ANKRD28: variants seen among roughly 807,000 people sequenced by gnomAD.
ANKRD28 encodes the protein serine/threonine-protein phosphatase 6 regulatory ankyrin repeat subunit A.
Under a neutral mutation model 126.5 loss-of-function variants are expected in ANKRD28, and 44 were observed. The ratio of observed to expected loss-of-function variants is 0.35; its 90% CI spans 0.27 to 0.45. ANKRD28 has a LOEUF of 0.45. Among genes scored for constraint, ANKRD28 ranks in the 20% least tolerant of loss-of-function variants. The pLI is 1.00. For missense variants in ANKRD28, 1,110 were observed against 1,316.6 expected (o/e 0.84, Z 2.43); for synonymous variants, 442 against 468.5 (o/e 0.94, Z 0.73).
intron 18 of ANKRD28, chr3:15,689,719 C>T (rs1358053988): frequency 4.1e-6 from 1 of 242,742 alleles, no homozygotes. Context: ...TAGTCTAGGA[C>T]CTACATGTAA....
At chr3:15,805,067 T>A (rs1244191238) in intron 1 of ANKRD28, among the ~76,000 whole-genome samples, 1 of 145,358 alleles carries the variant, frequency 6.9e-6, no homozygotes, top group Non-Finnish European at 1.5e-5. Context: ...TCCAAGTAAG[T>A]GTAGATTCAA....
chr3:15,843,571 G>C lies in ANKRD28; in HGVS notation c.27+15806C>G, dbSNP rs956317333. On this transcript the variant is annotated intron_variant, in intron 1 of 27. Transcript: ENST00000399451. The surrounding 1 kb of genome is among the most constrained non-coding windows in gnomAD (Gnocchi z 5.2). ...ATAGAATTAGGAGTACAGCAGAATA[G>C]TTTGAGCCAAAAATAAGGGAAAAAA... Among the ~76,000 whole-genome samples the C allele has an allele frequency of 4.6e-5, 7 of 151,738 alleles. No homozygotes were observed. Among genetic ancestry groups the C allele is most frequent in the African/African-American group, 1.7e-4 (7 of 41,276 alleles).
chr3:15,725,229 T>C (rs955855227), intron 6 of ANKRD28, among the ~76,000 whole-genome samples: 2 of 152,250 alleles, frequency 1.3e-5, no homozygotes, highest in Non-Finnish European at 2.9e-5. Flanking sequence ...GAACAGGTTA[T>C]ACGTACATAC....
At chr3:15,743,318 T>TC (rs2057234099) in intron 4 of ANKRD28, among the ~76,000 whole-genome samples, 1 of 149,814 alleles carries the variant, frequency 6.7e-6, no homozygotes, top group African/African-American at 2.5e-5. Context: ...CCCTGCCAAA[T>TC]CCCCCTCTGT....
intron 1 of ANKRD28, among the ~76,000 whole-genome samples, chr3:15,818,879 T>C (rs1235467276): frequency 1.3e-5 from 2 of 152,246 alleles, no homozygotes; most frequent in East Asian, 1.9e-4. Flanking sequence ...GGCTTTTTTG[T>C]AGAAATCAAT....
chr3:15,840,424 G>A (rs1276090385), intron 1 of ANKRD28, among the ~76,000 whole-genome samples: 1 of 152,118 alleles, frequency 6.6e-6, no homozygotes, highest in Non-Finnish European at 1.5e-5. Flanking sequence ...CATGTTCATG[G>A]ATTGGAAGAA....
chr3:15,821,888 C>T (rs974977227), intron 1 of ANKRD28, among the ~76,000 whole-genome samples: 1 of 152,140 alleles, frequency 6.6e-6, no homozygotes, highest in South Asian at 2.1e-4. Flanking sequence ...GTCTTTGTTC[C>T]ACCATGCTTG....
chr3:15,690,952 G>A (rs949707535), intron 17 of ANKRD28, among the ~76,000 whole-genome samples: 4 of 151,964 alleles, frequency 2.6e-5, no homozygotes, highest in East Asian at 1.9e-4. Context: ...TTGAATATTC[G>A]GATTTCTCAA....
At chr3:15,841,002 A>C (rs1393821285) in intron 1 of ANKRD28, among the ~76,000 whole-genome samples, 1 of 152,070 alleles carries the variant, frequency 6.6e-6, no homozygotes, top group African/African-American at 2.4e-5. Flanking sequence ...TTAGCCAGGC[A>C]TGATGGTGCA....
chr3:15,752,829 A>T lies in ANKRD28; in HGVS notation c.281-1009T>A, dbSNP rs371487400. ...GAGTGTGAGGAGTCAGGGAATAATC[A>T]AGTGCAGTGACTTCAAGTAATGCCT... On this transcript the variant is annotated intron_variant, in intron 3 of 27. Transcript: ENST00000683139. 3.3e-4 allele frequency among the ~76,000 whole-genome samples: 50 copies of T among 152,356 alleles called. No individual in the cohort carries two copies. In the East Asian group the frequency reaches 6.4e-3, roughly 19 times the overall value.
rs34139082 is a variant in ANKRD28, at chr3:15,796,643, G to GTT, written c.-124_-123dup. On this transcript the variant is annotated 5_prime_UTR_variant, in exon 1 of 28. Coordinates refer to ENST00000683139, the MANE Select transcript of ANKRD28 (RefSeq NM_001349278.2). ...AACATTCTCTGAACAGCACAGCTGG[G>GTT]TTTTTTTTTTTTTTAAAGTTAATAA... 0.42 allele frequency: 373,485 copies of GTT among 894,244 alleles called. 28,446 individuals are homozygous for GTT. The highest frequency in any genetic ancestry group is 0.55 in the Admixed American group (8,871 of 16,056). 55.4% of individuals were successfully genotyped at this position (894,244 alleles called of 1,614,324 possible).
At chr3:15,742,534 C>T (rs1358100470) in intron 4 of ANKRD28, among the ~76,000 whole-genome samples, 76 of 129,300 alleles carry the variant, frequency 5.9e-4, no homozygotes, top group African/African-American at 1.9e-3. Context: ...GGAGCCCCTC[C>T]GCCCGGCAGC....
At chr3:15,836,117 G>C (rs1486473753) in intron 1 of ANKRD28, among the ~76,000 whole-genome samples, 1 of 151,766 alleles carries the variant, frequency 6.6e-6, no homozygotes, top group Non-Finnish European at 1.5e-5. Context: ...CAATAAAAAA[G>C]AATACTGAAA....
intron 4 of ANKRD28, among the ~76,000 whole-genome samples, chr3:15,749,809 G>A (rs945681018): frequency 6.6e-6 from 1 of 152,198 alleles, no homozygotes; most frequent in African/African-American, 2.4e-5. Context: ...GCTCCGGGAT[G>A]GTACTGGGGA....
chr3:15,674,269 AGTAAAGAAAAAAGTG>A (rs2125623074), intron 27 of ANKRD28, among the ~76,000 whole-genome samples: 1 of 151,414 alleles, frequency 6.6e-6, no homozygotes, highest in South Asian at 2.1e-4. Flanking sequence ...GTCTGGTAGC[AGTAAAGAAAAAAGTG>A]GGCATACTTT....
chr3:15,710,337 A>G (rs1018501669), intron 12 of ANKRD28, among the ~76,000 whole-genome samples: 1 of 152,230 alleles, frequency 6.6e-6, no homozygotes, highest in Non-Finnish European at 1.5e-5. Flanking sequence ...TTACTATGTT[A>G]CAATGAAAAC....
chr3:15,807,750 CAT>C, intron 1 of ANKRD28, among the ~76,000 whole-genome samples: 1 of 152,216 alleles, frequency 6.6e-6, no homozygotes, highest in East Asian at 1.9e-4. Flanking sequence ...TCAGGGAGAA[CAT>C]GAAAACTTTA....
At chr3:15,784,630 C>A (rs1399440470) in intron 2 of ANKRD28, among the ~76,000 whole-genome samples, 4 of 105,154 alleles carry the variant, frequency 3.8e-5, no homozygotes, top group Admixed American at 1.0e-4. Flanking sequence ...AAAACAGTAA[C>A]AAAAATGATA....
At chr3:15,675,608 A>C (rs2066855027) in intron 27 of ANKRD28, among the ~76,000 whole-genome samples, 1 of 152,216 alleles carries the variant, frequency 6.6e-6, no homozygotes, top group African/African-American at 2.4e-5. Context: ...ATCTTGATAC[A>C]TATTTGCTGA....
Sources: gnomAD v4.1 joint callset for allele counts (sites outside exome capture counted in the v4.1 genomes callset) on GRCh38, gnomAD v4.1.1 for gene constraint, Gnocchi (gnomAD v3.1) non-coding constraint, MANE v1.5 for transcripts, NCBI Gene and HGNC (gene_info 2026-07-23, HGNC 2026-07-21) for gene names.